Variants in COL5A1 observed in about 807,000 individuals in gnomAD.
COL5A1 encodes the protein collagen alpha-1(V) chain.
Under a neutral mutation model 263.7 loss-of-function variants are expected in COL5A1, and 16 were observed. The ratio of observed to expected loss-of-function variants is 0.06; its 90% confidence interval spans 0.04 to 0.09. The LOEUF is 0.09. Among genes scored for constraint, COL5A1 ranks in the 10% least tolerant of loss-of-function variants. The probability of loss-of-function intolerance (pLI) is 1.00; values close to 1 mark genes in which losing one functional copy is unlikely to be tolerated. For missense variants in COL5A1, 2,036 were observed against 2,540.5 expected (o/e 0.80, Z 4.27); for synonymous variants, 1,012 against 1,004.5 (o/e 1.01, Z -0.14).
At chr9:134,832,571 G>C (rs756931582) in intron 64 of COL5A1, among the ~76,000 whole-genome samples, 25 of 152,120 alleles carry the variant, frequency 1.6e-4, no homozygotes, top group Non-Finnish European at 3.7e-4. Context: ...CCCATGCCCC[G>C]GGCCCCCCTG....
intron 1 of COL5A1, among the ~76,000 whole-genome samples, chr9:134,684,644 G>C (rs1473743039): frequency 2.0e-5 from 3 of 152,318 alleles, no homozygotes; most frequent in South Asian, 4.1e-4. Context: ...GCAAGCCCTA[G>C]AGTGACATGG....
At position 134,641,888 on chromosome 9, in the gene COL5A1, G is replaced by T. The variant is rs1464677842; in HGVS notation, c.-300G>T. 1.0e-5 allele frequency: 4 copies of T among 390,446 alleles called. No individual in the cohort carries two copies. Among genetic ancestry groups the T allele is most frequent in the South Asian group, 1.3e-4 (1 of 7,558 alleles). The allele number at this position is 390,446 out of a possible 1,614,324, so 24.2% of individuals were successfully genotyped here. A position where few individuals can be genotyped will look rare whatever the true frequency, so the allele number is the denominator to read the frequency against. ...GAGCGGGTCGCGGGGCGGCGGCGGC[G>T]AGGAGGAGGCGAGAAGGAGTTGGAG... On this transcript the variant is annotated 5_prime_UTR_variant, in exon 1 of 66. Coordinates refer to ENST00000371817, the MANE Select transcript of COL5A1 (RefSeq NM_000093.5).
chr9:134,732,880 C>T (rs73664110), intron 9 of COL5A1, among the ~76,000 whole-genome samples: 3,469 of 152,312 alleles, frequency 0.023, 141 homozygotes, highest in African/African-American at 0.079. Context: ...TCCAGTTCTC[C>T]CTGGGGTCTC....
intron 18 of COL5A1, among the ~76,000 whole-genome samples, chr9:134,760,944 T>C (rs950063277): frequency 1.5e-5 from 2 of 129,036 alleles, no homozygotes; most frequent in Non-Finnish European, 3.2e-5. Context: ...CACACATGCA[T>C]ACACACCCGC....
chr9:134,654,293 G>GGGT, intron 1 of COL5A1, among the ~76,000 whole-genome samples: 1 of 135,996 alleles, frequency 7.4e-6, no homozygotes, highest in Non-Finnish European at 1.6e-5. Context: ...GTGTAGAGCT[G>GGGT]GTGTGTATAG....
chr9:134,762,973 CGTGT>C (rs1399316826), intron 19 of COL5A1, among the ~76,000 whole-genome samples: 1 of 151,780 alleles, frequency 6.6e-6, no homozygotes, highest in Non-Finnish European at 1.5e-5. Context: ...TGGCTGTGTG[CGTGT>C]GTATGTGGAC....
intron 43 of COL5A1, 100 bp downstream of exon 43, chr9:134,809,390 G>T: frequency 1.1e-6 from 1 of 944,410 alleles, no homozygotes; most frequent in Non-Finnish European, 1.7e-6. Context: ...CAGGTAGAGC[G>T]GCTCAGCCAG....
At chr9:134,709,188 G>A (rs1459763106) in intron 4 of COL5A1, 22 of 349,826 alleles carry the variant, frequency 6.3e-5, no homozygotes, top group Non-Finnish European at 9.6e-5. Context: ...GTGGAAAAGG[G>A]GTTTTTCGTC....
chr9:134,768,524 G>T, intron 25 of COL5A1, 61 bp downstream of exon 25: 2 of 1,529,208 alleles, frequency 1.3e-6, no homozygotes, highest in Non-Finnish European at 1.8e-6. Flanking sequence ...TGCGGATAGG[G>T]CTGCAGGCCC....
chr9:134,695,923 G>A (rs1406903821), intron 2 of COL5A1, among the ~76,000 whole-genome samples: 1 of 152,082 alleles, frequency 6.6e-6, no homozygotes, highest in Admixed American at 6.5e-5. Context: ...CTTCTGGTCG[G>A]GACTGAAGAT....
chr9:134,825,972 T>G, intron 63 of COL5A1, 68 bp downstream of exon 63: 1 of 991,920 alleles, frequency 1.0e-6, no homozygotes, highest in Admixed American at 1.8e-5. Flanking sequence ...GCCGAGGGCT[T>G]CAAGCATTTC....
intron 32 of COL5A1, among the ~76,000 whole-genome samples, chr9:134,792,000 G>A (rs1340475093): frequency 1.3e-5 from 2 of 152,200 alleles, no homozygotes; most frequent in Admixed American, 6.5e-5. Flanking sequence ...GGTCCAGGGA[G>A]GCCTCCTGGA....
chr9:134,802,066 G>A (rs1179793539), intron 38 of COL5A1, 59 bp downstream of exon 38: 8 of 1,531,198 alleles, frequency 5.2e-6, no homozygotes, highest in Admixed American at 5.0e-5. Context: ...CCACAGGGAA[G>A]AGGGTCCCAG....
At chr9:134,808,561 T>G (rs975508939) in intron 42 of COL5A1, among the ~76,000 whole-genome samples, 4 of 149,220 alleles carry the variant, frequency 2.7e-5, no homozygotes, top group Admixed American at 2.6e-4. Context: ...TGGTGCATAT[T>G]CACACGTGTG....
At chr9:134,664,757 C>T (rs928997480) in intron 1 of COL5A1, among the ~76,000 whole-genome samples, 14 of 152,184 alleles carry the variant, frequency 9.2e-5, no homozygotes, top group African/African-American at 2.9e-4. Flanking sequence ...AATATCTATC[C>T]AAGCATTAAA....
chr9:134,840,603 G>T (rs971046891), intron 65 of COL5A1, among the ~76,000 whole-genome samples: 1 of 152,154 alleles, frequency 6.6e-6, no homozygotes, highest in Non-Finnish European at 1.5e-5. Flanking sequence ...TCTAGCTCAG[G>T]GTCTGTCTTA....
intron 19 of COL5A1, among the ~76,000 whole-genome samples, chr9:134,763,242 T>C (rs1410894887): frequency 6.6e-6 from 1 of 152,200 alleles, no homozygotes; most frequent in Non-Finnish European, 1.5e-5. Flanking sequence ...CAGGGAGGCA[T>C]TCCCTTCTGC....
At chr9:134,761,558 C>T (rs1375459374) in intron 18 of COL5A1, among the ~76,000 whole-genome samples, 1 of 152,198 alleles carries the variant, frequency 6.6e-6, no homozygotes, top group African/African-American at 2.4e-5. Flanking sequence ...TGCAGGCAGG[C>T]GGGGCTCCCT....
At chr9:134,759,268 T>G (rs904491501) in intron 18 of COL5A1, among the ~76,000 whole-genome samples, 1 of 122,674 alleles carries the variant, frequency 8.2e-6, no homozygotes, top group Admixed American at 7.6e-5. Context: ...GCGCACACAC[T>G]CATACACACA....
Sources: gnomAD v4.1 joint callset for allele counts (sites outside exome capture counted in the v4.1 genomes callset) on GRCh38, gnomAD v4.1.1 for gene constraint, MANE v1.5 for transcripts, NCBI Gene and HGNC (gene_info 2026-07-23, HGNC 2026-07-21) for gene names.